CELF1: variants seen among roughly 807,000 people sequenced by gnomAD.
CELF1 encodes CUGBP Elav-like family member 1, also known as 50 kDa nuclear polyadenylated RNA-binding protein.
Under a neutral mutation model 61.8 loss-of-function variants are expected in CELF1, and 10 were observed. The ratio of observed to expected loss-of-function variants is 0.16; its 90% CI spans 0.10 to 0.27. The LOEUF (loss-of-function observed/expected upper bound fraction) is 0.27, where lower values mean the gene tolerates loss of function less well. Ranked by LOEUF, CELF1 falls within the 10% of genes least tolerant of loss-of-function variation. The pLI, the probability that CELF1 is intolerant of heterozygous loss-of-function variation, is 1.00. For synonymous variants in CELF1, 236 were observed against 225.1 expected (o/e 1.05, Z -0.43); for missense variants, 380 against 639.1 (o/e 0.59, Z 4.37).
At chr11:47,506,867 TA>T (rs1343050774) in intron 1 of CELF1, 1 of 152,232 alleles carries the variant, frequency 6.6e-6, no homozygotes, top group African/African-American at 2.4e-5. Flanking sequence ...CCTGTAGCTT[TA>T]CACTTCCCTC....
At chr11:47,499,663 G>GC in intron 2 of CELF1, 59 bp from the exon 3 acceptor site, 3 of 657,216 alleles carry the variant, frequency 4.6e-6, no homozygotes, top group Non-Finnish European at 8.0e-6. Context: ...AGCAATAAGT[G>GC]CCACAGAAAG....
chr11:47,522,464 G>A (rs2095975416), intron 1 of CELF1, among the ~76,000 whole-genome samples: 1 of 151,844 alleles, frequency 6.6e-6, no homozygotes, highest in African/African-American at 2.4e-5. Context: ...AGGTTGCAGT[G>A]AGCTGAGATT....
chr11:47,537,265 T>G (rs111994526), intron 1 of CELF1, among the ~76,000 whole-genome samples: 27,086 of 145,298 alleles, frequency 0.19, 2,194 homozygotes, highest in East Asian at 0.28. Context: ...TTTTTTTTTT[T>G]GGGACAGAGT....
chr11:47,497,304 G>C (rs2093302867), intron 3 of CELF1, among the ~76,000 whole-genome samples: 1 of 152,146 alleles, frequency 6.6e-6, no homozygotes, highest in South Asian at 2.1e-4. Context: ...AAAAGTCTGG[G>C]ACACAACTCA....
At chr11:47,509,897 C>CAAAAA (rs34105209) in intron 1 of CELF1, among the ~76,000 whole-genome samples, 1 of 136,420 alleles carries the variant, frequency 7.3e-6, no homozygotes, top group Admixed American at 7.4e-5. Context: ...TGTGGTGTCT[C>CAAAAA]AAAAAAAAAA....
chr11:47,517,347 G>A (rs1342966240), intron 1 of CELF1, among the ~76,000 whole-genome samples: 1 of 150,598 alleles, frequency 6.6e-6, no homozygotes, highest in Non-Finnish European at 1.5e-5. Flanking sequence ...TGTATCTGAT[G>A]TATACAAAGT....
At chr11:47,563,569 G>C (rs777291879) in intron 2 of CELF1, among the ~76,000 whole-genome samples, 3 of 152,080 alleles carry the variant, frequency 2.0e-5, no homozygotes, top group Non-Finnish European at 4.4e-5. Flanking sequence ...GGCACCTGTA[G>C]TTCTAGCTAC....
intron 1 of CELF1, among the ~76,000 whole-genome samples, chr11:47,532,582 T>C (rs981727812): frequency 6.6e-6 from 1 of 152,148 alleles, no homozygotes; most frequent in Non-Finnish European, 1.5e-5. Flanking sequence ...CTATGAAAAG[T>C]AGAGGAAAGG....
intron 9 of CELF1, among the ~76,000 whole-genome samples, chr11:47,481,728 G>A (rs1197661321): frequency 6.6e-6 from 1 of 152,074 alleles, no homozygotes; most frequent in African/African-American, 2.4e-5. Flanking sequence ...ATAATCCCCT[G>A]TAACATATAC....
At chr11:47,516,601 C>T (rs1392375213) in intron 1 of CELF1, among the ~76,000 whole-genome samples, 2 of 144,586 alleles carry the variant, frequency 1.4e-5, no homozygotes, top group African/African-American at 5.0e-5. Flanking sequence ...ATAATATTCT[C>T]TTTTTTTTTT....
chr11:47,484,327 A>C lies in CELF1; in HGVS notation c.526+62T>G, dbSNP rs1037857636. The C allele has an allele frequency of 3.8e-6, 6 of 1,566,772 alleles. No homozygotes were observed. In the African/African-American group the frequency reaches 7.0e-5, roughly 18 times the overall value. On this transcript the variant is annotated intron_variant, in intron 7 of 14. Transcript: ENST00000687097. ...GCAAGACCTTGTCTCCAAAAAAAAA[A>C]AAACCCCAAACCAAACCAAAACAAA...
chr11:47,525,990 C>G (rs1347706992), intron 1 of CELF1, among the ~76,000 whole-genome samples: 1 of 151,600 alleles, frequency 6.6e-6, no homozygotes, highest in African/African-American at 2.4e-5. Context: ...TGAGAACAGA[C>G]AGACCTAGAC....
At chr11:47,510,810 G>A (rs989504472) in intron 1 of CELF1, among the ~76,000 whole-genome samples, 1 of 152,058 alleles carries the variant, frequency 6.6e-6, no homozygotes, top group Non-Finnish European at 1.5e-5. Flanking sequence ...ACTAACAACT[G>A]TTAGTAAGCA....
exon 1 of CELF1, chr11:47,565,492 C>T: frequency 2.4e-6 from 2 of 827,716 alleles, no homozygotes; most frequent in Non-Finnish European, 3.2e-6. Context: ...GGCCAGTCCC[C>T]GCCGTCACCC....
intron 1 of CELF1, among the ~76,000 whole-genome samples, chr11:47,540,598 A>T (rs2096748553): frequency 6.6e-6 from 1 of 152,084 alleles, no homozygotes; most frequent in African/African-American, 2.4e-5. Flanking sequence ...AAAATCAGGC[A>T]AGCAGGCTGG....
At chr11:47,560,038 A>G (rs889117186) in intron 2 of CELF1, among the ~76,000 whole-genome samples, 1 of 146,508 alleles carries the variant, frequency 6.8e-6, no homozygotes, top group Admixed American at 6.8e-5. Context: ...TGTGGCTCAC[A>G]CTTGTAATCC....
At chr11:47,534,277 G>A (rs569841091) in intron 1 of CELF1, among the ~76,000 whole-genome samples, 131 of 150,986 alleles carry the variant, frequency 8.7e-4, no homozygotes, top group African/African-American at 3.1e-3. Flanking sequence ...TGATCCACCC[G>A]CCTTGGCCTC....
At chr11:47,502,561 G>A (rs1428183561) in intron 1 of CELF1, among the ~76,000 whole-genome samples, 4 of 152,054 alleles carry the variant, frequency 2.6e-5, no homozygotes, top group South Asian at 2.1e-4. Flanking sequence ...GTCCGGACAC[G>A]GTGGCTCAAG....
Position 47,499,527 on chromosome 11 carries a change from C to T in CELF1, c.-4G>A, listed in dbSNP as rs923612999. On this transcript the variant is annotated 5_prime_UTR_variant, in exon 3 of 15. Coordinates refer to ENST00000687097, the MANE Select transcript of CELF1 (RefSeq NM_001376376.1). ...AATCCAACTTAAACGCAGCCATCAC[C>T]TCACTCTCCCCTTCAGAAGCCAATG... 4.6e-6 allele frequency: 7 copies of T among 1,535,122 alleles called. No individual in the cohort carries two copies. Among genetic ancestry groups the T allele is most frequent in the Non-Finnish European group, 6.1e-6 (7 of 1,146,026 alleles).
Sources: gnomAD v4.1 joint callset for allele counts (sites outside exome capture counted in the v4.1 genomes callset) on GRCh38, gnomAD v4.1.1 for gene constraint, MANE v1.5 for transcripts, NCBI Gene and HGNC (gene_info 2026-07-23, HGNC 2026-07-21) for gene names.